Variants in RNF213 observed in about 807,000 individuals in gnomAD.
RNF213 encodes the protein E3 ubiquitin-protein ligase RNF213.
A neutral mutation model predicts 514.4 loss-of-function variants in RNF213; 341 were observed. The observed-to-expected ratio is 0.66, with a 90% CI of 0.61 to 0.73. RNF213 has a LOEUF of 0.73. RNF213 is among the 30% of genes least tolerant of loss of function. RNF213 has a pLI of 0.00. For missense variants in RNF213, 5,767 were observed against 6,615.6 expected (o/e 0.87, Z 4.45); for synonymous variants, 2,655 against 2,658.2 (o/e 1.00, Z 0.04).
In RNF213 at chr17:80,298,450, G is replaced by T. The variant is rs776543851; in HGVS notation, c.2142G>T (p.Gln714His). The change falls in exon 11 of 68, where the codon CAG becomes CAT. Residue 714 changes from glutamine (Q) to histidine (H), a missense_variant. Physicochemically the swap from Gln to His is conservative, Grantham distance 24 (BLOSUM62 0). Around this residue, in one of 13 missense-constraint regions of RNF213, gnomAD observed 592 missense variants for 673.9 expected, o/e 0.88. Transcript: ENST00000582970. The part of the protein sequence containing the change: ...LAPRHKDAWR[Q>H]PEDTWAALEG... The stretch of plus-strand genomic sequence containing the variant: ...CGCGGCACAAGGATGCCTGGAGACA[G>T]CCTGAGGACACCTGGGCCGCTCTGG... The T allele has an allele frequency of 4.3e-6, 7 of 1,614,194 alleles. No homozygotes were observed. The highest frequency in any genetic ancestry group is 5.9e-6 in the Non-Finnish European group (7 of 1,180,038).
chr17:80,346,679 G>C lies in RNF213; in HGVS notation c.8344G>C (p.Val2782Leu), dbSNP rs1279432686. 7 of 1,611,118 alleles carry C rather than the reference G, an allele frequency of 4.3e-6. No homozygotes were observed. The highest frequency in any genetic ancestry group is 5.9e-6 in the Non-Finnish European group (7 of 1,180,016). Residue 2782 changes from valine (V) to leucine (L), a missense_variant, in exon 29 of 68, where the codon GTG becomes CTG. Val to Leu is a conservative substitution (Grantham distance 32, BLOSUM62 1). Coordinates refer to ENST00000582970, the MANE Select transcript of RNF213 (RefSeq NM_001256071.3). This position sits in a 1 kb window ranked among gnomAD's most constrained non-coding sequence, Gnocchi z 8.1. ...GSSKSLAKTI[V>L]ADAMQGPAAY... Reference sequence around the variant, plus strand: ...CTCCAAGTCTCTCGCCAAGACCATCGTGGCAGACGCCATGCAGGGCCCGGC... The same window carrying C: ...CTCCAAGTCTCTCGCCAAGACCATCCTGGCAGACGCCATGCAGGGCCCGGC...
Position 80,385,532 on chromosome 17 carries a change from C to T in RNF213, c.14456-6C>T. The T allele has an allele frequency of 1.2e-6, 2 of 1,613,772 alleles. No homozygotes were observed. The highest frequency in any genetic ancestry group is 1.7e-6 in the Non-Finnish European group (2 of 1,179,724). ...TACGGTTCTTACCAAGTATTCTGTT[C>T]AACAGATGGGTTGAGGCAGCTGCTT... On this transcript the variant is annotated splice_region_variant and splice_polypyrimidine_tract_variant and intron_variant, in intron 60 of 67. Transcript: ENST00000582970.
At chr17:80,331,171 C>T (rs2143962901) in intron 20 of RNF213, among the ~76,000 whole-genome samples, 1 of 152,244 alleles carries the variant, frequency 6.6e-6, no homozygotes, top group African/African-American at 2.4e-5. Context: ...TTCATCACCA[C>T]CTCCCAGTCT....
In RNF213 at chr17:80,347,575, C is replaced by T. The variant is rs760617450; in HGVS notation, c.9240C>T (p.Tyr3080=). ...FGSGFPKDQE[Y]TQLCRNINRV... ...CTGGTTTCCCCAAGGACCAAGAGTA[C>T]ACCCAGCTCTGCAGAAACATCAATC... Residue 3080 remains tyrosine, a synonymous_variant, in exon 29 of 68, where the codon TAC becomes TAT. Transcript: ENST00000582970. This position sits in a 1 kb window ranked among gnomAD's most constrained non-coding sequence, Gnocchi z 7.2. 4.3e-6 allele frequency: 7 copies of T among 1,614,034 alleles called. No individual in the cohort carries two copies. Among genetic ancestry groups the T allele is most frequent in the Non-Finnish European group, 5.9e-6 (7 of 1,180,042 alleles).
chr17:80,365,995 C>T (rs1304786682), intron 42 of RNF213, among the ~76,000 whole-genome samples: 1 of 152,228 alleles, frequency 6.6e-6, no homozygotes, highest in Non-Finnish European at 1.5e-5. Flanking sequence ...TTATTTCCTT[C>T]CAGTCAGATC....
rs149832829 is a variant in RNF213 at position 80,361,106 on chromosome 17, C to T, written c.11201-628C>T. Among the ~76,000 whole-genome samples, 349 of 152,258 alleles carry T rather than the reference C, an allele frequency of 2.3e-3. 2 individuals are homozygous for T. Among genetic ancestry groups the T allele is most frequent in the African/African-American group, 7.7e-3 (319 of 41,532 alleles). Reference sequence around the variant, plus strand: ...TCCTGAAGCATGCTGTGACCTGTAGCCATGCAACATACAATGTAGCCATGC... The same window carrying T: ...TCCTGAAGCATGCTGTGACCTGTAGTCATGCAACATACAATGTAGCCATGC... On this transcript the variant is annotated intron_variant, in intron 38 of 67. Coordinates refer to ENST00000582970, the MANE Select transcript of RNF213 (RefSeq NM_001256071.3).
chr17:80,313,608 G>T (rs1224489593), intron 15 of RNF213, among the ~76,000 whole-genome samples: 2 of 150,656 alleles, frequency 1.3e-5, no homozygotes, highest in Non-Finnish European at 3.0e-5. Flanking sequence ...GGTGGTGGAG[G>T]TGATGGTGAT....
At chr17:80,283,557 C>T in intron 3 of RNF213, among the ~76,000 whole-genome samples, 1 of 152,244 alleles carries the variant, frequency 6.6e-6, no homozygotes, top group East Asian at 1.9e-4. Context: ...GGGCTCTGCC[C>T]AACCTCCGTG....
chr17:80,267,714 A>G (rs564226426), intron 2 of RNF213, among the ~76,000 whole-genome samples: 1 of 152,336 alleles, frequency 6.6e-6, no homozygotes, highest in Non-Finnish European at 1.5e-5. Flanking sequence ...TCCATAACAT[A>G]AAAGTGCAAG....
At chr17:80,363,521 CA>C in intron 40 of RNF213, 87 bp from the exon 41 acceptor site, 3 of 1,469,494 alleles carry the variant, frequency 2.0e-6, no homozygotes, top group Non-Finnish European at 1.9e-6. Flanking sequence ...GCCTGGGACA[CA>C]AGTATACATG....
chr17:80,316,136 C>G (rs2045941535), intron 15 of RNF213: 1 of 152,126 alleles, frequency 6.6e-6, no homozygotes, highest in Admixed American at 6.5e-5. Flanking sequence ...CCTGTAACCC[C>G]AACTCTTTAG....
chr17:80,307,832 G>C (rs553549258), intron 13 of RNF213, among the ~76,000 whole-genome samples: 1 of 150,220 alleles, frequency 6.7e-6, no homozygotes, highest in South Asian at 2.1e-4. Context: ...TTACAGGCGT[G>C]AGCCACCATG....
chr17:80,363,061 G>A, intron 39 of RNF213, 41 bp from the exon 40 acceptor site: 1 of 1,551,060 alleles, frequency 6.4e-7, no homozygotes, highest in Non-Finnish European at 8.9e-7. Context: ...TACCATTTTT[G>A]TAATTTAAAA....
chr17:80,345,298 T>C lies in RNF213; in HGVS notation c.6963T>C (p.His2321=), dbSNP rs762233550. 7 of 1,614,098 alleles carry C rather than the reference T, an allele frequency of 4.3e-6. No homozygotes were observed. The South Asian group carries it at 7.7e-5, about 18-fold the overall frequency. Residue 2321 remains histidine (H), a synonymous_variant, in exon 29 of 68, where the codon CAT becomes CAC. Coordinates refer to ENST00000582970, the MANE Select transcript of RNF213 (RefSeq NM_001256071.3). The surrounding 1 kb of genome is among the most constrained non-coding windows in gnomAD (Gnocchi z 6.0). ...DHTTMTFIGF[H]LQPNINGSVD... is the part of the protein sequence containing the mutation. ...CAACCATGACATTCATCGGCTTCCA[T>C]CTGCAGCCCAACATCAACGGCAGTG...
At chr17:80,364,626 G>C in intron 42 of RNF213, 73 bp downstream of exon 42, 2 of 1,594,770 alleles carry the variant, frequency 1.3e-6, no homozygotes, top group Non-Finnish European at 1.7e-6. Context: ...CACTGACAGT[G>C]ATCTGCGGCT....
At chr17:80,262,455 A>G (rs974797749) in intron 1 of RNF213, among the ~76,000 whole-genome samples, 3 of 152,016 alleles carry the variant, frequency 2.0e-5, no homozygotes, top group Non-Finnish European at 4.4e-5. Flanking sequence ...TTGTGCAGAT[A>G]ATCACTCAGG....
In RNF213 at chr17:80,373,090, G is replaced by A. The variant is rs374262786; in HGVS notation, c.12867G>A (p.Met4289Ile). ...LVRKLSSQRGMEFVQGLSKPG... is the reference protein window; with the variant it reads ...LVRKLSSQRGIEFVQGLSKPG... ...GGAAGCTCAGCAGCCAGCGGGGGAT[G>A]GAGTTCGTGCAGGGCCTCTCCAAGC... The change falls in exon 49 of 68, where the codon ATG becomes ATA. Residue 4289 changes from methionine to isoleucine, a missense_variant. Around this residue, in one of 13 missense-constraint regions of RNF213, gnomAD observed 1,245 missense variants for 1,339.0 expected, o/e 0.93. Coordinates refer to ENST00000582970, the MANE Select transcript of RNF213 (RefSeq NM_001256071.3). The A allele has an allele frequency of 1.2e-6, 2 of 1,613,788 alleles. No homozygotes were observed. Among genetic ancestry groups the A allele is most frequent in the African/African-American group, 2.7e-5 (2 of 74,892 alleles).
At chr17:80,312,798 C>G (rs1177194001) in intron 14 of RNF213, among the ~76,000 whole-genome samples, 1 of 152,186 alleles carries the variant, frequency 6.6e-6, no homozygotes, top group Non-Finnish European at 1.5e-5. Context: ...CCTCTTTTCT[C>G]CCGTATCTCC....
At position 80,346,935 on chromosome 17, in the gene RNF213, G is replaced by T. The variant is rs1025068296; in HGVS notation, c.8600G>T (p.Gly2867Val). Residue 2867 changes from glycine to valine, a missense_variant, in exon 29 of 68, where the codon GGA becomes GTA. Around this residue, in one of 13 missense-constraint regions of RNF213, gnomAD observed 105 missense variants for 183.9 expected, o/e 0.57. Transcript: ENST00000582970. This position sits in a 1 kb window ranked among gnomAD's most constrained non-coding sequence, Gnocchi z 8.1. ...ACTCTGCACCCGCTGCTGGAAGACG[G>T]ATGCATTGAAGACGATCCCGCCCCC... ...LKTLHPLLEDGCIEDDPAPHK... is the reference protein window; with the variant it reads ...LKTLHPLLEDVCIEDDPAPHK... 2 of 1,613,952 alleles carry T rather than the reference G, an allele frequency of 1.2e-6. No individual in the cohort carries two copies. The highest frequency in any genetic ancestry group is 1.7e-6 in the Non-Finnish European group (2 of 1,179,990).
Sources: gnomAD v4.1 joint callset for allele counts (sites outside exome capture counted in the v4.1 genomes callset) on GRCh38, gnomAD v4.1.1 for gene constraint, gnomAD v4.1.1 regional missense constraint, Gnocchi (gnomAD v3.1) non-coding constraint, MANE v1.5 for transcripts, NCBI Gene and HGNC (gene_info 2026-07-23, HGNC 2026-07-21) for gene names.